Variants in DIP2C observed in about 807,000 individuals in gnomAD.
DIP2C encodes the protein DIP2 acetate--CoA ligase C (putative).
A neutral mutation model predicts 192.4 loss-of-function variants in DIP2C; 33 were observed. The ratio of observed to expected loss-of-function variants is 0.17; its 90% CI spans 0.13 to 0.23. The LOEUF (loss-of-function observed/expected upper bound fraction) is 0.23. Ranked by LOEUF, DIP2C falls within the 10% of genes least tolerant of loss-of-function variation. The pLI is 1.00. For synonymous variants in DIP2C, 979 were observed against 864.1 expected, an observed-to-expected ratio of 1.13 and a Z score of -2.33; for missense variants, 1,537 against 2,110.1, an observed-to-expected ratio of 0.73 and a Z score of 5.32.
At chr10:679,085 G>A (rs887575368) in intron 1 of DIP2C, among the ~76,000 whole-genome samples, 2 of 5,102 alleles carry the variant, frequency 3.9e-4, no homozygotes, top group Non-Finnish European at 2.1e-3. Context: ...CCCCACACCC[G>A]TGCTCCCCGC....
intron 24 of DIP2C, among the ~76,000 whole-genome samples, chr10:351,703 G>A (rs1250420290): frequency 2.0e-5 from 3 of 152,192 alleles, no homozygotes; most frequent in Non-Finnish European, 2.9e-5. Context: ...GCTGGAGTCC[G>A]GGAAATCCTG....
At position 579,428 on chromosome 10, in the gene DIP2C, G is replaced by A. The variant is rs114481336; in HGVS notation, c.86-92898C>T. ...AGATCCATATAGCGTATGTACATAG[G>A]TACACTATAACACATGTGTACATGC... On this transcript the variant is annotated intron_variant, in intron 1 of 36. Coordinates refer to ENST00000280886, the MANE Select transcript of DIP2C (RefSeq NM_014974.3). 1.0e-3 allele frequency among the ~76,000 whole-genome samples: 154 copies of A among 151,200 alleles called. 2 individuals are homozygous for A. The highest frequency in any genetic ancestry group is 3.6e-3 in the African/African-American group (146 of 41,112).
In DIP2C at chr10:284,672, C is replaced by A. The variant is rs145571908; in HGVS notation, c.4120-1226G>T. Among the ~76,000 whole-genome samples, 1,239 of 152,164 alleles carry A rather than the reference C, an allele frequency of 8.1e-3. 23 individuals are homozygous for A. Among genetic ancestry groups the A allele is most frequent in the African/African-American group, 0.028 (1,171 of 41,500 alleles). ...CAGGTTATGGGGAGAAAATGTAGTG[C>A]GGTGACTACAGTTAATAATACTATA... On this transcript the variant is annotated intron_variant, in intron 34 of 36. Transcript: ENST00000280886.
At chr10:365,991 C>T (rs1413866610) in intron 19 of DIP2C, among the ~76,000 whole-genome samples, 2 of 152,182 alleles carry the variant, frequency 1.3e-5, no homozygotes, top group African/African-American at 2.4e-5. Context: ...AGTGCACGTT[C>T]AATAATGATC....
intron 1 of DIP2C, among the ~76,000 whole-genome samples, chr10:589,434 A>AT (rs1170482963): frequency 6.6e-6 from 1 of 152,050 alleles, no homozygotes; most frequent in Non-Finnish European, 1.5e-5. Flanking sequence ...GACGATTTCC[A>AT]TTTCTTCTAC....
chr10:277,267 G>A lies in DIP2C; in HGVS notation c.*58C>T. 4 of 1,591,388 alleles carry A rather than the reference G, an allele frequency of 2.5e-6. No homozygotes were observed. The highest frequency in any genetic ancestry group is 2.3e-5 in the South Asian group (2 of 87,776). ...TTGCCCTGTGTCTGCACGCTTCAGT[G>A]GACACGGAGAACAATGTCTACATCT... is the stretch of plus-strand genomic sequence containing the variant. On this transcript the variant is annotated 3_prime_UTR_variant, in exon 37 of 37. Transcript: ENST00000280886.
chr10:439,061 G>T (rs567857153), intron 4 of DIP2C, among the ~76,000 whole-genome samples: 1 of 152,158 alleles, frequency 6.6e-6, no homozygotes, highest in Non-Finnish European at 1.5e-5. Flanking sequence ...TTCCGGGCTG[G>T]TCTTGAACTC....
At chr10:544,770 A>G (rs1219092541) in intron 1 of DIP2C, among the ~76,000 whole-genome samples, 1 of 152,138 alleles carries the variant, frequency 6.6e-6, no homozygotes, top group African/African-American at 2.4e-5. Flanking sequence ...GTCCATTTTT[A>G]AATTGGATTT....
At chr10:373,469 C>T (rs1023602276) in intron 17 of DIP2C, among the ~76,000 whole-genome samples, 2 of 152,232 alleles carry the variant, frequency 1.3e-5, no homozygotes, top group South Asian at 4.1e-4. Context: ...TCTATGTTGG[C>T]AGAAAAGCTG....
intron 1 of DIP2C, among the ~76,000 whole-genome samples, chr10:530,817 G>A: frequency 6.6e-6 from 1 of 152,158 alleles, no homozygotes; most frequent in East Asian, 1.9e-4. Context: ...TCACAGGGAG[G>A]AAGGTTGGCC....
chr10:392,290 G>A (rs1478693348), intron 10 of DIP2C, among the ~76,000 whole-genome samples: 2 of 152,178 alleles, frequency 1.3e-5, no homozygotes, highest in African/African-American at 2.4e-5. Flanking sequence ...GAGAACACGC[G>A]TGACTGTCAC....
Position 538,641 on chromosome 10 carries a change from T to C in DIP2C, c.86-52111A>G, listed in dbSNP as rs2130890944. On this transcript the variant is annotated intron_variant, in intron 1 of 36. Coordinates refer to ENST00000280886, the MANE Select transcript of DIP2C (RefSeq NM_014974.3). ...CTCTGGGTTTCAGTGTTTTGGGTTT[T>C]TGTTGTTGTTCTCTAGCCAAACTTA... Among the ~76,000 whole-genome samples, 2 of 152,310 alleles carry C rather than the reference T, an allele frequency of 1.3e-5. 1 individual carries two copies. Among genetic ancestry groups the C allele is most frequent in the South Asian group, 4.1e-4 (2 of 4,826 alleles).
intron 31 of DIP2C, 87 bp downstream of exon 31, chr10:326,919 C>A (rs758480450): frequency 4.7e-6 from 7 of 1,477,092 alleles, no homozygotes; most frequent in Non-Finnish European, 6.4e-6. Flanking sequence ...AAGCATCAGC[C>A]GAGGGAGACG....
At position 363,083 on chromosome 10, in the gene DIP2C, GA is replaced by G; in HGVS notation, c.2592+113del. 8 of 889,012 alleles carry G rather than the reference GA, an allele frequency of 9.0e-6. No individual in the cohort carries two copies. Among genetic ancestry groups the G allele is most frequent in the South Asian group, 3.4e-5 (2 of 58,802 alleles). 55.1% of individuals were successfully genotyped at this position (889,012 alleles called of 1,614,324 possible). Reference sequence around the variant, plus strand: ...AGTTCCTGATCAAATGAAGGGAAGGGAAAAAGGGCCACCCCATGGGCAAAGC... The same window carrying G: ...AGTTCCTGATCAAATGAAGGGAAGGGAAAAGGGCCACCCCATGGGCAAAGC... On this transcript the variant is annotated intron_variant, in intron 21 of 36. Transcript: ENST00000280886. This position sits in a 1 kb window ranked among gnomAD's most constrained non-coding sequence, Gnocchi z 5.4.
intron 1 of DIP2C, among the ~76,000 whole-genome samples, chr10:552,212 G>T (rs1848628833): frequency 6.6e-6 from 1 of 152,224 alleles, no homozygotes; most frequent in South Asian, 2.1e-4. Context: ...TCTACCTGAT[G>T]TTTAAAAGGA....
rs554167247 is a variant in DIP2C at position 685,531 on chromosome 10, C to A, written c.85+3963G>T. Among the ~76,000 whole-genome samples the A allele has an allele frequency of 9.9e-5, 15 of 152,180 alleles. 2 individuals carry two copies. In the East Asian group the frequency reaches 2.7e-3, roughly 27 times the overall value. On this transcript the variant is annotated intron_variant, in intron 1 of 36. Transcript: ENST00000280886. ...TGAGTTCTATCAAAATAATTCAGCA[C>A]CTCCTAAACAAATGGGAAAGAGCTC...
chr10:563,147 T>TCC (rs965751179), intron 1 of DIP2C, among the ~76,000 whole-genome samples: 6 of 152,272 alleles, frequency 3.9e-5, no homozygotes, highest in Middle Eastern at 6.9e-3. Flanking sequence ...TCAGACACCA[T>TCC]CCCCCTCAGG....
At chr10:350,914 G>A (rs570388979) in intron 24 of DIP2C, among the ~76,000 whole-genome samples, 194 of 152,260 alleles carry the variant, frequency 1.3e-3, no homozygotes, top group Admixed American at 3.3e-3. Flanking sequence ...CCAGAGTGCT[G>A]GGATTACAGG....
chr10:333,910 T>G (rs546651711), intron 29 of DIP2C, among the ~76,000 whole-genome samples: 2 of 152,356 alleles, frequency 1.3e-5, no homozygotes, highest in South Asian at 4.1e-4. Context: ...ACGCTAGGTA[T>G]CTTTTCACGT....
Sources: allele counts gnomAD v4.1 joint callset (sites outside exome capture counted in the v4.1 genomes callset), GRCh38; gene constraint gnomAD v4.1.1; non-coding constraint Gnocchi (gnomAD v3.1); transcripts MANE v1.5; gene names NCBI Gene and HGNC (gene_info 2026-07-23, HGNC 2026-07-21).